PTPRT: variants seen among roughly 807,000 people sequenced by gnomAD.
The protein encoded by PTPRT is protein tyrosine phosphatase receptor type T.
PTPRT carries 56 observed loss-of-function variants against 176.8 expected under a neutral mutation model. The ratio of observed to expected loss-of-function variants is 0.32; its 90% CI spans 0.26 to 0.40. The LOEUF (loss-of-function observed/expected upper bound fraction) is 0.40, where lower values mean the gene tolerates loss of function less well. Ranked by LOEUF, PTPRT falls within the 10% of genes least tolerant of loss-of-function variation. The pLI is 1.00. For missense variants in PTPRT, 1,540 were observed against 1,908.2 expected (o/e 0.81, Z 3.60); for synonymous variants, 783 against 739.0 (o/e 1.06, Z -0.96).
At chr20:42,520,726 C>T (rs1037311218) in intron 7 of PTPRT, among the ~76,000 whole-genome samples, 16 of 151,878 alleles carry the variant, frequency 1.1e-4, no homozygotes, top group African/African-American at 3.6e-4. Context: ...AAACCAAGAT[C>T]TGCATGCTAG....
intron 17 of PTPRT, among the ~76,000 whole-genome samples, chr20:42,145,831 G>A (rs960871476): frequency 3.3e-5 from 5 of 152,106 alleles, no homozygotes; most frequent in Admixed American, 6.5e-5. Context: ...TGTGTCCAAC[G>A]CCCTTAGACA....
chr20:42,984,977 A>G (rs1375857927), intron 1 of PTPRT, among the ~76,000 whole-genome samples: 1 of 152,236 alleles, frequency 6.6e-6, no homozygotes, highest in Non-Finnish European at 1.5e-5. Flanking sequence ...GGTAGAAGAC[A>G]GTGGGGTAAG....
intron 23 of PTPRT, among the ~76,000 whole-genome samples, chr20:42,108,431 T>C (rs1225728437): frequency 6.6e-6 from 1 of 151,826 alleles, no homozygotes; most frequent in African/African-American, 2.4e-5. Flanking sequence ...CACTCATCTA[T>C]AAAATGATGT....
chr20:42,264,412 T>C (rs1447750623), intron 13 of PTPRT, among the ~76,000 whole-genome samples: 1 of 152,186 alleles, frequency 6.6e-6, no homozygotes, highest in African/African-American at 2.4e-5. Context: ...AAGGACAGTA[T>C]CCTAATGCAC....
At chr20:42,234,733 C>G (rs1304014008) in intron 15 of PTPRT, among the ~76,000 whole-genome samples, 2 of 152,216 alleles carry the variant, frequency 1.3e-5, no homozygotes, top group African/African-American at 4.8e-5. Context: ...ACATAATGTG[C>G]ATGTTCAAAG....
At chr20:42,481,030 T>TG (rs1210401193) in intron 7 of PTPRT, among the ~76,000 whole-genome samples, 1 of 151,982 alleles carries the variant, frequency 6.6e-6, no homozygotes, top group Non-Finnish European at 1.5e-5. Context: ...GGTGAGCTTT[T>TG]TTTTTTTTTT....
chr20:42,335,979 CT>C (rs1334518992), intron 11 of PTPRT, among the ~76,000 whole-genome samples: 12 of 152,156 alleles, frequency 7.9e-5, no homozygotes, highest in African/African-American at 2.7e-4. Flanking sequence ...CCTTTCAGTA[CT>C]TCAGTTTCCC....
chr20:42,562,158 T>C (rs542140043), intron 7 of PTPRT, among the ~76,000 whole-genome samples: 24 of 152,336 alleles, frequency 1.6e-4, no homozygotes, highest in African/African-American at 5.1e-4. Flanking sequence ...AAATCTTAAG[T>C]GTACAGCCTA....
chr20:42,724,393 C>T (rs1379381646), intron 6 of PTPRT, among the ~76,000 whole-genome samples: 1 of 152,180 alleles, frequency 6.6e-6, no homozygotes, highest in Non-Finnish European at 1.5e-5. Flanking sequence ...CAGTGGGGCT[C>T]AGCCAGTGAG....
chr20:42,593,462 T>C (rs1780117224), intron 7 of PTPRT, among the ~76,000 whole-genome samples: 1 of 152,210 alleles, frequency 6.6e-6, no homozygotes, highest in Non-Finnish European at 1.5e-5. Context: ...GACCCAGGCA[T>C]GGAGGTTCTG....
At chr20:42,895,633 T>G (rs149711295) in intron 1 of PTPRT, among the ~76,000 whole-genome samples, 2 of 152,206 alleles carry the variant, frequency 1.3e-5, no homozygotes, top group Non-Finnish European at 2.9e-5. Context: ...ATGTTATTGT[T>G]GTACAGAAAC....
chr20:42,622,440 C>T lies in PTPRT; in HGVS notation c.1153+55426G>A, dbSNP rs554980243. Among the ~76,000 whole-genome samples the T allele has an allele frequency of 1.1e-4, 17 of 152,230 alleles. No homozygotes were observed. The East Asian group carries it at 2.9e-3, about 26-fold the overall frequency. ...TATTTTTAGTAGAGACGGGGTTTCA[C>T]CTTGTTAGCCAGGATGGTCTCAATC... On this transcript the variant is annotated intron_variant, in intron 7 of 30. Transcript: ENST00000373187.
intron 7 of PTPRT, among the ~76,000 whole-genome samples, chr20:42,543,317 T>A (rs1426979815): frequency 6.6e-6 from 1 of 152,214 alleles, no homozygotes; most frequent in Non-Finnish European, 1.5e-5. Flanking sequence ...TGTTGTCATT[T>A]TACCAGTGTT....
intron 14 of PTPRT, among the ~76,000 whole-genome samples, chr20:42,238,131 G>C (rs903276550): frequency 6.6e-6 from 1 of 152,108 alleles, no homozygotes; most frequent in African/African-American, 2.4e-5. Flanking sequence ...AGAGAAAAGA[G>C]AATCAAAAAG....
intron 7 of PTPRT, among the ~76,000 whole-genome samples, chr20:42,492,494 T>A (rs1342015968): frequency 6.6e-6 from 1 of 152,120 alleles, no homozygotes; most frequent in Non-Finnish European, 1.5e-5. Flanking sequence ...TATATACAGG[T>A]CATTTGTTTT....
chr20:43,182,953 A>G (rs913927537), intron 1 of PTPRT, among the ~76,000 whole-genome samples: 5 of 152,214 alleles, frequency 3.3e-5, no homozygotes, highest in African/African-American at 9.7e-5. Context: ...TGAATGAATG[A>G]TCTATTCTCT....
chr20:42,534,982 G>A (rs567289984), intron 7 of PTPRT, among the ~76,000 whole-genome samples: 2 of 152,120 alleles, frequency 1.3e-5, no homozygotes, highest in East Asian at 1.9e-4. Flanking sequence ...CTTCCCACTC[G>A]CCACGGAAAG....
intron 1 of PTPRT, among the ~76,000 whole-genome samples, chr20:42,889,378 CAGA>C (rs1198167802): frequency 2.0e-5 from 3 of 152,236 alleles, no homozygotes; most frequent in African/African-American, 7.2e-5. Context: ...TTTGCCTCTG[CAGA>C]AGAACTCACT....
At chr20:43,116,879 C>G (rs1157588857) in intron 1 of PTPRT, among the ~76,000 whole-genome samples, 2 of 152,024 alleles carry the variant, frequency 1.3e-5, no homozygotes, top group African/African-American at 4.8e-5. Flanking sequence ...GCTCTTGCAA[C>G]AAAAAAACAC....
Sources: gnomAD v4.1 joint callset for allele counts (sites outside exome capture counted in the v4.1 genomes callset) on GRCh38, gnomAD v4.1.1 for gene constraint, MANE v1.5 for transcripts, NCBI Gene and HGNC (gene_info 2026-07-23, HGNC 2026-07-21) for gene names.